Variants in PLEC observed in about 807,000 individuals in gnomAD.
PLEC encodes the protein hemidesmosomal protein 1.
PLEC carries 216 observed loss-of-function variants against 392.8 expected under a neutral mutation model. The observed-to-expected ratio is 0.55, with a 90% CI of 0.49 to 0.62. The LOEUF is 0.62. Ranked by LOEUF, PLEC falls within the 20% of genes least tolerant of loss-of-function variation. PLEC has a pLI of 0.00. For missense variants in PLEC, 6,863 were observed against 6,563.4 expected (o/e 1.05, Z -1.58); for synonymous variants, 3,621 against 2,980.6 (o/e 1.21, Z -7.00).
chr8:143,971,518 G>A (rs1294319734), intron 1 of PLEC, among the ~76,000 whole-genome samples: 1 of 152,154 alleles, frequency 6.6e-6, no homozygotes, highest in Non-Finnish European at 1.5e-5. Context: ...GGGGCTCACA[G>A]AGGTCAGGCC....
chr8:143,975,496 A>C, upstream of PLEC: 1 of 798,238 alleles, frequency 1.3e-6, no homozygotes, highest in South Asian at 1.5e-5. The surrounding 1 kb of genome is among the most constrained non-coding windows in gnomAD (Gnocchi z 9.9). Flanking sequence ...TCTCGCCTGG[A>C]CACTGGCACC....
upstream of PLEC, among the ~76,000 whole-genome samples, chr8:143,953,456 C>A (rs1554738016): frequency 2.0e-5 from 3 of 151,686 alleles, no homozygotes; most frequent in Non-Finnish European, 4.4e-5. Context: ...GCCCCGCCGC[C>A]GCCGCCGCCG....
exon 1 of PLEC, chr8:143,950,672 A>G: frequency 6.3e-7 from 1 of 1,577,028 alleles, no homozygotes; most frequent in Non-Finnish European, 8.6e-7. Context: ...GATGGCCCGC[A>G]GCTGGTCCCG....
At position 143,924,000 on chromosome 8, in the gene PLEC, C is replaced by A. The variant is rs1554695206; in HGVS notation, c.5929G>T (p.Ala1977Ser). ...LEAARQRQLA[A>S]EEERRRREAE... ...TCACGGCGCCGCCGCTCCTCCTCCG[C>A]CGCCAGCTGCCGCTGCCTCGCAGCC... Residue 1977 changes from alanine to serine, a missense_variant, in exon 31 of 32, where the codon GCG becomes TCG. Ala to Ser is a moderately conservative substitution (Grantham distance 99). Transcript: ENST00000345136. The A allele has an allele frequency of 6.3e-7, 1 of 1,585,894 alleles. No homozygotes were observed. Among genetic ancestry groups the A allele is most frequent in the Non-Finnish European group, 8.5e-7 (1 of 1,171,804 alleles).
intron 1 of PLEC, among the ~76,000 whole-genome samples, chr8:143,944,966 C>G (rs1284628836): frequency 6.6e-6 from 1 of 150,530 alleles, no homozygotes; most frequent in African/African-American, 2.5e-5. Flanking sequence ...CCCGACACCT[C>G]GGTCCCCCAG....
At chr8:143,975,115 A>G, upstream of PLEC, 1 of 1,548,230 alleles carries the variant, frequency 6.5e-7, no homozygotes, top group Non-Finnish European at 8.8e-7. This position sits in a 1 kb window ranked among gnomAD's most constrained non-coding sequence, Gnocchi z 9.9. Flanking sequence ...CCTAGCACGC[A>G]GCGGGAACTC....
rs2131050413 is a variant in PLEC at position 143,920,157 on chromosome 8, C to T, written c.9664G>A (p.Glu3222Lys). ...GCCTGCAGCTCTGAGTAGAGCTCCT[C>T]CTGCCGGGCCCGAGCAGCCTTTTCT... Reference protein sequence around the residue: ...LSEKAARARQEELYSELQARE... With the variant: ...LSEKAARARQKELYSELQARE... Residue 3222 changes from glutamate to lysine, a missense_variant, in exon 32 of 32, where the codon GAG becomes AAG. Physicochemically the swap from Glu to Lys is moderately conservative, Grantham distance 56 (BLOSUM62 1). Transcript: ENST00000345136. The T allele has an allele frequency of 6.2e-7, 1 of 1,612,626 alleles. No homozygotes were observed. Among genetic ancestry groups the T allele is most frequent in the East Asian group, 2.2e-5 (1 of 44,880 alleles).
intron 20 of PLEC, 28 bp downstream of exon 20, chr8:143,930,356 C>G: frequency 1.3e-6 from 2 of 1,577,888 alleles, no homozygotes; most frequent in Non-Finnish European, 1.7e-6. Flanking sequence ...TGGCCACGCC[C>G]CCCAGTGGAC....
At chr8:143,949,199 C>G (rs1219524277) in intron 1 of PLEC, among the ~76,000 whole-genome samples, 8 of 152,250 alleles carry the variant, frequency 5.3e-5, no homozygotes, top group African/African-American at 7.2e-5. Context: ...CCCCCTCCCC[C>G]ACACCCTGGC....
chr8:143,939,402 G>A lies in PLEC; in HGVS notation c.60C>T (p.Ser20=). ...CAGCCAGGTACAGGTTGTCCTCCGA[G>A]CTGGTTCTCTTTCGGCCCAGGCCCT... ...QPEGLGRKRT[S]SEDNLYLAVL... is the part of the protein sequence containing the mutation. Residue 20 remains serine (S), a synonymous_variant, in exon 1 of 32, where the codon AGC becomes AGT. Coordinates refer to ENST00000345136, the MANE Select transcript of PLEC (RefSeq NM_201384.3). 7.4e-6 allele frequency: 12 copies of A among 1,612,802 alleles called. No individual in the cohort carries two copies. Among genetic ancestry groups the A allele is most frequent in the South Asian group, 1.1e-5 (1 of 91,020 alleles).
chr8:143,928,753 G>A (rs1586992359), intron 25 of PLEC, among the ~76,000 whole-genome samples: 1 of 152,200 alleles, frequency 6.6e-6, no homozygotes. Context: ...GTCCAGGCCA[G>A]GAACAGGACA....
rs1554698937 is a variant in PLEC, at chr8:143,924,770, G to A, written c.5159C>T (p.Ala1720Val). Residue 1720 changes from alanine (A) to valine (V), a missense_variant, in exon 31 of 32, where the codon GCC becomes GTC. Transcript: ENST00000345136. Reference sequence around the variant, plus strand: ...CTGCTGCTCCCCCTGCTCCGTCTCGGCCCGCAGCCGGATCAACTCCTGCTC... The same window carrying A: ...CTGCTGCTCCCCCTGCTCCGTCTCGACCCGCAGCCGGATCAACTCCTGCTC... ...AAEQELIRLR[A>V]ETEQGEQQRQ... 1.3e-6 allele frequency: 2 copies of A among 1,535,164 alleles called. No individual in the cohort carries two copies. The highest frequency in any genetic ancestry group is 2.4e-5 in the South Asian group (2 of 84,096).
At chr8:143,942,546 C>T (rs782800100), upstream of PLEC, 1 of 1,543,234 alleles carries the variant, frequency 6.5e-7, no homozygotes. Context: ...TGGTTCGGCC[C>T]ACGGACAGTG....
chr8:143,932,076 T>A (rs894719911), intron 17 of PLEC, 44 bp from the exon 18 acceptor site: 3 of 1,551,762 alleles, frequency 1.9e-6, no homozygotes, highest in Non-Finnish European at 2.6e-6. Context: ...CCGCCCCGCC[T>A]GGGGACCCGG....
In PLEC at chr8:143,917,782, C is replaced by T. The variant is rs782493842; in HGVS notation, c.12039G>A (p.Gly4013=). Residue 4013 remains glycine, a synonymous_variant, in exon 32 of 32, where the codon GGG becomes GGA. Transcript: ENST00000345136. The part of the protein sequence containing the change: ...KLLSAERAVT[G]YKDPYSGKLI... Reference sequence around the variant, plus strand: ...GCTTCCCAGAGTAGGGGTCCTTGTACCCAGTGACGGCGCGCTCGGCCGACA... The same window carrying T: ...GCTTCCCAGAGTAGGGGTCCTTGTATCCAGTGACGGCGCGCTCGGCCGACA... 1.2e-6 allele frequency: 2 copies of T among 1,613,380 alleles called. No homozygotes were observed. Among genetic ancestry groups the T allele is most frequent in the East Asian group, 4.5e-5 (2 of 44,882 alleles).
upstream of PLEC, chr8:143,975,273 G>T: frequency 6.2e-7 from 1 of 1,609,748 alleles, no homozygotes; most frequent in Middle Eastern, 1.7e-4. This position sits in a 1 kb window ranked among gnomAD's most constrained non-coding sequence, Gnocchi z 9.9. Context: ...GTTTTCCCAA[G>T]GTTCCAGGGC....
chr8:143,927,752 C>T lies in PLEC; in HGVS notation c.3414G>A (p.Gln1138=), dbSNP rs1265306858. 2.5e-6 allele frequency: 4 copies of T among 1,600,036 alleles called. No homozygotes were observed. In the African/African-American group the frequency reaches 5.4e-5, roughly 21 times the overall value. The change falls in exon 27 of 32, where the codon CAG becomes CAA. Residue 1138 remains glutamine (Q), a synonymous_variant. Transcript: ENST00000345136. ...CGAACGTGGGCTGCTGTGCCTCGGCCTGGGCCCGCAGCTTCTGTTGGGGAC... is the reference window on the plus strand; with the variant it reads ...CGAACGTGGGCTGCTGTGCCTCGGCTTGGGCCCGCAGCTTCTGTTGGGGAC... The part of the protein sequence containing the change: ...TKASLKKLRA[Q]AEAQQPTFDA...
At position 143,924,537 on chromosome 8, in the gene PLEC, C is replaced by T. The variant is rs782227367; in HGVS notation, c.5392G>A (p.Glu1798Lys). 7.1e-6 allele frequency: 11 copies of T among 1,539,858 alleles called. No individual in the cohort carries two copies. The highest frequency in any genetic ancestry group is 2.8e-5 in the African/African-American group (2 of 72,394). Residue 1798 changes from glutamate to lysine, a missense_variant, in exon 31 of 32, where the codon GAG becomes AAG. By Grantham distance (56) the Glu-to-Lys change is moderately conservative. Transcript: ENST00000345136. Reference protein sequence around the residue: ...RLEAEAGRFRELAEEAARLRA... With the variant: ...RLEAEAGRFRKLAEEAARLRA... ...AGGCGGGCGGCCTCCTCGGCCAGCT[C>T]GCGGAACCGGCCGGCCTCGGCCTCC...
rs946832424 is a variant in PLEC, at chr8:143,915,486, G to T, written c.*691C>A. 4 of 152,370 alleles carry T rather than the reference G, an allele frequency of 2.6e-5. No homozygotes were observed. The highest frequency in any genetic ancestry group is 2.6e-4 in the Admixed American group (4 of 15,292). 9.4% of individuals were successfully genotyped at this position (152,370 alleles called of 1,614,324 possible). On this transcript the variant is annotated 3_prime_UTR_variant, in exon 32 of 32. Coordinates refer to ENST00000345136, the MANE Select transcript of PLEC (RefSeq NM_201384.3). ...CTGGACCCACCAGGAGGACAGGTCT[G>T]CAGTTCCCAGCCATGCCGGCTGGAA...
Sources: gnomAD v4.1 joint callset for allele counts (sites outside exome capture counted in the v4.1 genomes callset) on GRCh38, gnomAD v4.1.1 for gene constraint, Gnocchi (gnomAD v3.1) non-coding constraint, MANE v1.5 for transcripts, NCBI Gene and HGNC (gene_info 2026-07-23, HGNC 2026-07-21) for gene names.